Variants in SLC22A23 observed in about 807,000 individuals in gnomAD.
The protein encoded by SLC22A23 is ion transporter protein.
Under a neutral mutation model 61.0 loss-of-function variants are expected in SLC22A23, and 26 were observed. That is an observed-to-expected ratio of 0.43 (90% CI 0.31 to 0.59). The LOEUF is 0.59. Ranked by LOEUF, SLC22A23 falls within the 20% of genes least tolerant of loss-of-function variation. The pLI is 0.11. For synonymous variants in SLC22A23, 430 were observed against 413.9 expected (o/e 1.04, Z -0.47); for missense variants, 796 against 934.7 (o/e 0.85, Z 1.94).
intron 3 of SLC22A23, among the ~76,000 whole-genome samples, chr6:3,375,615 A>G (rs1766514266): frequency 6.6e-6 from 1 of 152,228 alleles, no homozygotes; most frequent in Admixed American, 6.5e-5. Context: ...CTTTGTGTAT[A>G]GTCTCTCTCA....
intron 3 of SLC22A23, among the ~76,000 whole-genome samples, chr6:3,383,171 G>T (rs536606402): frequency 2.6e-5 from 4 of 152,170 alleles, no homozygotes; most frequent in Admixed American, 2.0e-4. Context: ...CAACACAGGC[G>T]GCATCTCAGA....
At chr6:3,370,907 C>T (rs1056901435) in intron 3 of SLC22A23, among the ~76,000 whole-genome samples, 8 of 152,218 alleles carry the variant, frequency 5.3e-5, no homozygotes, top group African/African-American at 1.9e-4. Flanking sequence ...AGCAACGTGG[C>T]CTTGTTCTTT....
chr6:3,332,168 C>G (rs2127410685), intron 3 of SLC22A23, among the ~76,000 whole-genome samples: 1 of 152,324 alleles, frequency 6.6e-6, no homozygotes, highest in South Asian at 2.1e-4. Context: ...ACAGCATGCT[C>G]TCAGTTCCCC....
intron 3 of SLC22A23, among the ~76,000 whole-genome samples, chr6:3,385,052 A>T (rs1204933107): frequency 6.6e-6 from 1 of 152,218 alleles, no homozygotes; most frequent in East Asian, 1.9e-4. Context: ...AGAGACAGAA[A>T]GGAGAACGGC....
rs1166257682 is a variant in SLC22A23, at chr6:3,297,965, G to T, written c.1210+126C>A. On this transcript the variant is annotated intron_variant, in intron 5 of 9. Transcript: ENST00000406686. The surrounding 1 kb of genome is among the most constrained non-coding windows in gnomAD (Gnocchi z 4.3). Reference sequence around the variant, plus strand: ...AGGTTGCCACATTGCCCTTGTGCAGGCCAAAAGGTCACAGGAGAATTGCAC... The same window carrying T: ...AGGTTGCCACATTGCCCTTGTGCAGTCCAAAAGGTCACAGGAGAATTGCAC... The T allele has an allele frequency of 1.0e-5, 12 of 1,191,800 alleles. No individual in the cohort carries two copies. Among genetic ancestry groups the T allele is most frequent in the Middle Eastern group, 2.9e-4 (1 of 3,458 alleles). The allele number at this position is 1,191,800 out of a possible 1,614,324, so 73.8% of individuals were successfully genotyped here.
chr6:3,280,432 C>G (rs1369534309), intron 9 of SLC22A23, among the ~76,000 whole-genome samples: 1 of 149,788 alleles, frequency 6.7e-6, no homozygotes, highest in Non-Finnish European at 1.5e-5. Context: ...GGGACGCATG[C>G]TGGCTTCCTG....
chr6:3,388,269 G>A (rs1767437512), intron 3 of SLC22A23, among the ~76,000 whole-genome samples: 1 of 152,172 alleles, frequency 6.6e-6, no homozygotes, highest in Non-Finnish European at 1.5e-5. Flanking sequence ...ACTTCCTCAT[G>A]GGGGAGGGCA....
chr6:3,276,442 A>G (rs576715522), intron 9 of SLC22A23, among the ~76,000 whole-genome samples: 3 of 152,144 alleles, frequency 2.0e-5, no homozygotes, highest in African/African-American at 7.2e-5. Context: ...TTGTTTCCTC[A>G]CCATTGCCAA....
At chr6:3,375,682 G>C (rs1561936057) in intron 3 of SLC22A23, among the ~76,000 whole-genome samples, 1 of 152,152 alleles carries the variant, frequency 6.6e-6, no homozygotes, top group Non-Finnish European at 1.5e-5. Flanking sequence ...ATATAAGGTG[G>C]GTATTAAATA....
At chr6:3,370,430 G>A (rs1382810625) in intron 3 of SLC22A23, among the ~76,000 whole-genome samples, 5 of 152,260 alleles carry the variant, frequency 3.3e-5, no homozygotes, top group African/African-American at 4.8e-5. Context: ...TCTCTGCACA[G>A]GTGTCGAAAG....
In SLC22A23 at chr6:3,456,080, G is replaced by A. The variant is rs1772389372; in HGVS notation, c.480C>T (p.Phe160=). The part of the protein sequence containing the change: ...GNWTSLPTTP[F]ATAPWEAAGN... ...CCGCAGCCTCCCAGGGGGCAGTGGC[G>A]AAGGGGGTGGTGGGGAGGCTGGTCC... The change falls in exon 1 of 10, where the codon TTC becomes TTT. Residue 160 remains phenylalanine, a synonymous_variant. Coordinates refer to ENST00000406686, the MANE Select transcript of SLC22A23 (RefSeq NM_015482.2). This position sits in a 1 kb window ranked among gnomAD's most constrained non-coding sequence, Gnocchi z 7.1. 6.5e-7 allele frequency: 1 copy of A among 1,550,148 alleles called. No individual in the cohort carries two copies. The highest frequency in any genetic ancestry group is 8.7e-7 in the Non-Finnish European group (1 of 1,146,678).
intron 6 of SLC22A23, 31 bp downstream of exon 6, chr6:3,289,733 A>T (rs1663378888): frequency 6.5e-7 from 1 of 1,548,172 alleles, no homozygotes. Context: ...GCCCCCTCCC[A>T]CCCAGCTGGC....
intron 3 of SLC22A23, among the ~76,000 whole-genome samples, chr6:3,399,959 A>ACCT (rs1303921051): frequency 6.6e-6 from 1 of 151,878 alleles, no homozygotes; most frequent in East Asian, 1.9e-4. Flanking sequence ...GCTCACTGCA[A>ACCT]CCTCCGCCTC....
intron 9 of SLC22A23, among the ~76,000 whole-genome samples, chr6:3,278,421 TC>T (rs1001788272): frequency 2.0e-5 from 3 of 152,100 alleles, no homozygotes; most frequent in African/African-American, 7.2e-5. Context: ...ATACTCAAAC[TC>T]CTCCCAGGCT....
At chr6:3,337,699 G>A (rs1245026128) in intron 3 of SLC22A23, among the ~76,000 whole-genome samples, 6 of 152,130 alleles carry the variant, frequency 3.9e-5, no homozygotes, top group African/African-American at 4.8e-5. Flanking sequence ...CTGGTGTGGC[G>A]ACAGGCTCGC....
rs929836898 is a variant in SLC22A23 at position 3,390,039 on chromosome 6, G to C, written c.913+20149C>G. Among the ~76,000 whole-genome samples the C allele has an allele frequency of 7.2e-5, 11 of 152,194 alleles. No homozygotes were observed. The highest frequency in any genetic ancestry group is 2.4e-4 in the African/African-American group (10 of 41,444). ...CACTTTGCATTTCAAAAAAAGGCCT[G>C]GTTTGGGATGAAATGAACAGAGTTC... On this transcript the variant is annotated intron_variant, in intron 3 of 9. Transcript: ENST00000406686. This position sits in a 1 kb window ranked among gnomAD's most constrained non-coding sequence, Gnocchi z 4.0.
intron 9 of SLC22A23, among the ~76,000 whole-genome samples, chr6:3,278,203 C>T (rs1035641162): frequency 2.0e-5 from 3 of 152,222 alleles, no homozygotes; most frequent in Non-Finnish European, 4.4e-5. Flanking sequence ...CCAAGATACT[C>T]GGTGAGTGAC....
rs1249477474 is a variant in SLC22A23 at position 3,286,209 on chromosome 6, C to T, written c.1546+650G>A. Among the ~76,000 whole-genome samples the T allele has an allele frequency of 2.6e-5, 4 of 151,780 alleles. No individual in the cohort carries two copies. The highest frequency in any genetic ancestry group is 2.0e-4 in the Admixed American group (3 of 15,252). ...TGCCTCCCAAGTTCAAGTGATTCTT[C>T]TGCCTCAGCCTCCTGAGTAGCTGGG... On this transcript the variant is annotated intron_variant, in intron 7 of 9. Coordinates refer to ENST00000406686, the MANE Select transcript of SLC22A23 (RefSeq NM_015482.2). The surrounding 1 kb of genome is among the most constrained non-coding windows in gnomAD (Gnocchi z 4.2).
At chr6:3,371,244 A>G (rs182675795) in intron 3 of SLC22A23, among the ~76,000 whole-genome samples, 1 of 152,390 alleles carries the variant, frequency 6.6e-6, no homozygotes, top group East Asian at 1.9e-4. Flanking sequence ...AAACTTTTCC[A>G]GAAAGAAAGC....
Sources: gnomAD v4.1 joint callset for allele counts (sites outside exome capture counted in the v4.1 genomes callset) on GRCh38, gnomAD v4.1.1 for gene constraint, Gnocchi (gnomAD v3.1) non-coding constraint, MANE v1.5 for transcripts, NCBI Gene and HGNC (gene_info 2026-07-23, HGNC 2026-07-21) for gene names.